The following CNTLN variants were observed in gnomAD, a reference collection of about 807,000 sequenced individuals.
The protein encoded by CNTLN is centlein, centrosomal protein.
In CNTLN, 212 loss-of-function variants were observed where a neutral mutation model predicts 180.0. That is an observed-to-expected ratio of 1.18 (90% confidence interval 1.05 to 1.32). CNTLN has a LOEUF of 1.32. Ranked by LOEUF, CNTLN falls within the 40% of genes most tolerant of loss-of-function variation. CNTLN has a pLI of 0.00. For missense variants in CNTLN, 2,095 were observed against 1,610.9 expected (o/e 1.30, Z -5.14); for synonymous variants, 722 against 563.1 (o/e 1.28, Z -3.99).
intron 14 of CNTLN, among the ~76,000 whole-genome samples, chr9:17,392,613 A>T (rs1231554181): frequency 6.6e-6 from 1 of 152,218 alleles, no homozygotes; most frequent in East Asian, 1.9e-4. Context: ...AGATACCTTT[A>T]TTCCAGGTCA....
chr9:17,416,759 A>G (rs558936855), intron 18 of CNTLN, among the ~76,000 whole-genome samples: 1 of 152,128 alleles, frequency 6.6e-6, no homozygotes, highest in African/African-American at 2.4e-5. Flanking sequence ...TTTAACTTAC[A>G]CTTTGAGATG....
At chr9:17,481,057 C>T (rs907189431) in intron 23 of CNTLN, among the ~76,000 whole-genome samples, 2 of 152,092 alleles carry the variant, frequency 1.3e-5, no homozygotes, top group African/African-American at 4.8e-5. Flanking sequence ...CCTTGCCAGC[C>T]CCAGATCCCA....
chr9:17,265,658 C>T (rs1827371409), intron 5 of CNTLN, among the ~76,000 whole-genome samples: 1 of 152,046 alleles, frequency 6.6e-6, no homozygotes, highest in Non-Finnish European at 1.5e-5. Context: ...GCTGTGAATC[C>T]ATCTGGTCCT....
At chr9:17,290,167 T>G (rs1025302967) in intron 6 of CNTLN, among the ~76,000 whole-genome samples, 13 of 152,084 alleles carry the variant, frequency 8.5e-5, no homozygotes, top group African/African-American at 3.1e-4. Flanking sequence ...TTGATGATGG[T>G]GATGTACAGA....
intron 5 of CNTLN, among the ~76,000 whole-genome samples, chr9:17,251,807 G>C (rs1289461617): frequency 1.3e-5 from 2 of 151,798 alleles, no homozygotes; most frequent in South Asian, 2.1e-4. Context: ...ATAGGAACCT[G>C]AGTGTGCTAT....
intron 23 of CNTLN, 127 bp downstream of exon 23, chr9:17,467,018 C>A: frequency 3.7e-6 from 2 of 545,640 alleles, no homozygotes; most frequent in Non-Finnish European, 3.1e-6. Context: ...CTTCTTCTAC[C>A]CTATTTATCA....
chr9:17,441,174 C>T (rs975241945), intron 18 of CNTLN, among the ~76,000 whole-genome samples: 1 of 152,140 alleles, frequency 6.6e-6, no homozygotes, highest in Admixed American at 6.5e-5. Flanking sequence ...AGTAGAGGGA[C>T]TTCATCACCA....
At chr9:17,295,301 C>T (rs1406142298) in intron 6 of CNTLN, among the ~76,000 whole-genome samples, 1 of 152,178 alleles carries the variant, frequency 6.6e-6, no homozygotes, top group Non-Finnish European at 1.5e-5. Flanking sequence ...GGCTGAAGGG[C>T]TGCTCAAGCG....
At chr9:17,513,015 T>G in the CNTLN span, among the ~76,000 whole-genome samples, 2 of 152,094 alleles carry the variant, frequency 1.3e-5, no homozygotes, top group South Asian at 2.1e-4. Flanking sequence ...AGATGGGGGT[T>G]TCACCGTGTT....
chr9:17,315,363 A>G (rs1411345434), intron 8 of CNTLN, among the ~76,000 whole-genome samples: 3 of 152,062 alleles, frequency 2.0e-5, no homozygotes, highest in Admixed American at 6.5e-5. Flanking sequence ...TTGCAACTTT[A>G]ACAGTAGTGT....
intron 6 of CNTLN, among the ~76,000 whole-genome samples, chr9:17,282,992 C>T (rs926895883): frequency 6.6e-6 from 1 of 151,992 alleles, no homozygotes; most frequent in African/African-American, 2.4e-5. Context: ...TTACTGTTGC[C>T]CTGTAGTATC....
chr9:17,406,934 G>C (rs1448436815), intron 15 of CNTLN, among the ~76,000 whole-genome samples: 1 of 149,268 alleles, frequency 6.7e-6, no homozygotes, highest in Non-Finnish European at 1.5e-5. Flanking sequence ...TGTGAAATAT[G>C]CTGCTTTTTA....
intron 5 of CNTLN, among the ~76,000 whole-genome samples, chr9:17,270,665 A>G (rs972890464): frequency 4.6e-5 from 7 of 152,148 alleles, no homozygotes; most frequent in Admixed American, 6.5e-5. Flanking sequence ...GATGGGGGTT[A>G]TTCATTTATT....
intron 14 of CNTLN, among the ~76,000 whole-genome samples, chr9:17,390,457 T>A (rs1016255514): frequency 1.3e-5 from 2 of 152,018 alleles, no homozygotes; most frequent in Admixed American, 1.3e-4. Context: ...TTGGCCAGGC[T>A]GGTCTCGAAC....
intron 8 of CNTLN, among the ~76,000 whole-genome samples, chr9:17,312,375 TATATATATAA>T (rs1563984990): frequency 1.4e-4 from 19 of 132,898 alleles, no homozygotes; most frequent in African/African-American, 5.7e-4. Context: ...TATATATATA[TATATATATAA>T]TTTATTTATT....
At chr9:17,155,963 T>C (rs1160883894) in intron 2 of CNTLN, among the ~76,000 whole-genome samples, 1 of 152,152 alleles carries the variant, frequency 6.6e-6, no homozygotes, top group Non-Finnish European at 1.5e-5. Context: ...CAGTCCTTCA[T>C]GGCTTCCCTT....
chr9:17,400,716 T>C (rs1826907469), intron 15 of CNTLN, among the ~76,000 whole-genome samples: 2 of 152,200 alleles, frequency 1.3e-5, no homozygotes, highest in Non-Finnish European at 2.9e-5. Flanking sequence ...ATCATTTTTT[T>C]TGGCTATCTG....
chr9:17,249,154 A>C (rs774096996), intron 5 of CNTLN, among the ~76,000 whole-genome samples: 25 of 152,054 alleles, frequency 1.6e-4, no homozygotes, highest in Non-Finnish European at 2.9e-4. Context: ...CTAGGTTCTC[A>C]AGATACAAAC....
chr9:17,421,704 A>G (rs1356162530), intron 18 of CNTLN, among the ~76,000 whole-genome samples: 1 of 151,848 alleles, frequency 6.6e-6, no homozygotes, highest in Non-Finnish European at 1.5e-5. Context: ...TTTTAATTTC[A>G]TGCTTTAGTG....
Sources: gnomAD v4.1 joint callset for allele counts (sites outside exome capture counted in the v4.1 genomes callset) on GRCh38, gnomAD v4.1.1 for gene constraint, MANE v1.5 for transcripts, NCBI Gene and HGNC (gene_info 2026-07-23, HGNC 2026-07-21) for gene names.